Variants in LOC128125817 observed in about 807,000 individuals in gnomAD.
chr1:41,592,730 G>C, the LOC128125817 span, among the ~76,000 whole-genome samples: 2 of 152,226 alleles, frequency 1.3e-5, no homozygotes, highest in South Asian at 4.1e-4. Flanking sequence ...GCAATTGTTG[G>C]TGGAAGCCCT....
At chr1:41,591,777 T>C in the LOC128125817 span, among the ~76,000 whole-genome samples, 1 of 152,056 alleles carries the variant, frequency 6.6e-6, no homozygotes, top group South Asian at 2.1e-4. Flanking sequence ...TACTGCCAAA[T>C]AGAAGAGTCA....
chr1:41,601,081 T>C, the LOC128125817 span, among the ~76,000 whole-genome samples: 1 of 152,208 alleles, frequency 6.6e-6, no homozygotes, highest in African/African-American at 2.4e-5. Context: ...CTGGATTTAT[T>C]TCGGGTTCTC....
At chr1:41,625,549 C>T in the LOC128125817 span, among the ~76,000 whole-genome samples, 10 of 152,158 alleles carry the variant, frequency 6.6e-5, no homozygotes, top group African/African-American at 2.2e-4. Flanking sequence ...ATAAATATAA[C>T]GTTCATAATA....
At chr1:41,615,942 A>G in the LOC128125817 span, among the ~76,000 whole-genome samples, 8 of 149,354 alleles carry the variant, frequency 5.4e-5, no homozygotes, top group Non-Finnish European at 8.8e-5. Flanking sequence ...TAAATATATT[A>G]ATAACTCCAA....
the LOC128125817 span, among the ~76,000 whole-genome samples, chr1:41,585,951 T>A: frequency 1.3e-5 from 2 of 152,228 alleles, no homozygotes; most frequent in African/African-American, 4.8e-5. Context: ...TTCACTGCTT[T>A]TTACCCCATT....
chr1:41,623,740 G>A, the LOC128125817 span, among the ~76,000 whole-genome samples: 2 of 152,118 alleles, frequency 1.3e-5, no homozygotes, highest in Non-Finnish European at 2.9e-5. Context: ...CCAACCCCAC[G>A]CCGGTCTCTC....
At chr1:41,604,064 C>T in the LOC128125817 span, among the ~76,000 whole-genome samples, 1 of 152,234 alleles carries the variant, frequency 6.6e-6, no homozygotes, top group Admixed American at 6.5e-5. Flanking sequence ...ACAACTGGAA[C>T]TCTTCTTGTG....
the LOC128125817 span, among the ~76,000 whole-genome samples, chr1:41,605,157 G>C: frequency 1.5e-5 from 2 of 135,958 alleles, no homozygotes; most frequent in Non-Finnish European, 3.2e-5. Flanking sequence ...GAAGCGGAGG[G>C]GTGGAGAGGG....
At chr1:41,624,164 TCTC>T in the LOC128125817 span, among the ~76,000 whole-genome samples, 1 of 151,762 alleles carries the variant, frequency 6.6e-6, no homozygotes, top group Admixed American at 6.6e-5. Flanking sequence ...CCTCCCCATC[TCTC>T]CTCCTTCCTC....
At chr1:41,602,852 A>G in the LOC128125817 span, among the ~76,000 whole-genome samples, 1 of 152,024 alleles carries the variant, frequency 6.6e-6, no homozygotes, top group African/African-American at 2.4e-5. Context: ...GTAGGCATTT[A>G]TCACAACGAA....
the LOC128125817 span, among the ~76,000 whole-genome samples, chr1:41,611,341 C>T: frequency 6.6e-6 from 1 of 152,268 alleles, no homozygotes; most frequent in East Asian, 1.9e-4. Flanking sequence ...AGGCAAATTC[C>T]ATCTCGTAAC....
chr1:41,619,079 C>T, the LOC128125817 span, among the ~76,000 whole-genome samples: 3 of 152,096 alleles, frequency 2.0e-5, no homozygotes, highest in African/African-American at 4.8e-5. Flanking sequence ...GCTCAGGCCT[C>T]CCAGGGCTTC....
the LOC128125817 span, among the ~76,000 whole-genome samples, chr1:41,597,696 TCA>T: frequency 6.6e-6 from 1 of 152,182 alleles, no homozygotes; most frequent in Non-Finnish European, 1.5e-5. Flanking sequence ...CAGATTTGAA[TCA>T]CAGTCCTGAC....
At chr1:41,615,710 T>C in the LOC128125817 span, among the ~76,000 whole-genome samples, 1 of 150,150 alleles carries the variant, frequency 6.7e-6, no homozygotes, top group East Asian at 2.0e-4. Context: ...AAAACAATCA[T>C]GGGATGGTAA....
chr1:41,622,391 G>A, the LOC128125817 span, among the ~76,000 whole-genome samples: 1 of 152,176 alleles, frequency 6.6e-6, no homozygotes, highest in African/African-American at 2.4e-5. Flanking sequence ...AAGAGCAGGG[G>A]TGGGGGAGGA....
the LOC128125817 span, among the ~76,000 whole-genome samples, chr1:41,591,437 C>T: frequency 2.6e-5 from 4 of 152,148 alleles, no homozygotes; most frequent in Non-Finnish European, 4.4e-5. Flanking sequence ...GATAAGAACA[C>T]AGGCAGGCGA....
chr1:41,620,003 G>T, the LOC128125817 span, among the ~76,000 whole-genome samples: 1 of 152,192 alleles, frequency 6.6e-6, no homozygotes, highest in Admixed American at 6.5e-5. Context: ...CACAGGCTCT[G>T]CAGGGGTTTG....
chr1:41,602,209 C>T, the LOC128125817 span, among the ~76,000 whole-genome samples: 1 of 152,096 alleles, frequency 6.6e-6, no homozygotes, highest in African/African-American at 2.4e-5. Context: ...GTTTTCTTTT[C>T]TTGTGGTGTC....
At chr1:41,609,811 C>T in the LOC128125817 span, among the ~76,000 whole-genome samples, 1 of 152,238 alleles carries the variant, frequency 6.6e-6, no homozygotes, top group Non-Finnish European at 1.5e-5. Flanking sequence ...TTTAAACCCA[C>T]CAGTGATGGT....
Sources: allele counts gnomAD v4.1 joint callset (sites outside exome capture counted in the v4.1 genomes callset), GRCh38; gene constraint gnomAD v4.1.1; transcripts MANE v1.5.